PTPRD: variants seen among roughly 807,000 people sequenced by gnomAD.
The protein encoded by PTPRD is protein tyrosine phosphatase receptor type D.
Under a neutral mutation model 214.5 loss-of-function variants are expected in PTPRD, and 34 were observed. That is an observed-to-expected ratio of 0.16 (90% CI 0.12 to 0.21). The LOEUF (loss-of-function observed/expected upper bound fraction) is 0.21. Ranked by LOEUF, PTPRD falls within the 10% of genes least tolerant of loss-of-function variation. PTPRD has a pLI of 1.00. For synonymous variants in PTPRD, 1,128 were observed against 845.7 expected (o/e 1.33, Z -5.79); for missense variants, 2,545 against 2,398.7 (o/e 1.06, Z -1.27).
At chr9:9,350,235 A>G (rs901008734) in intron 9 of PTPRD, among the ~76,000 whole-genome samples, 1 of 152,240 alleles carries the variant, frequency 6.6e-6, no homozygotes. Context: ...AATAACTCTT[A>G]GACTGGATTC....
chr9:10,159,541 C>T (rs2099114386), intron 3 of PTPRD, among the ~76,000 whole-genome samples: 1 of 151,926 alleles, frequency 6.6e-6, no homozygotes. Context: ...CTTCACAAGA[C>T]AGTAATATAT....
intron 12 of PTPRD, among the ~76,000 whole-genome samples, chr9:8,730,160 A>G (rs1207788805): frequency 6.6e-6 from 1 of 152,088 alleles, no homozygotes; most frequent in Non-Finnish European, 1.5e-5. Flanking sequence ...GGAGGCTGAG[A>G]CAGGAGAATG....
intron 8 of PTPRD, among the ~76,000 whole-genome samples, chr9:9,398,727 A>G (rs1028251854): frequency 2.6e-5 from 4 of 152,028 alleles, no homozygotes; most frequent in African/African-American, 9.7e-5. Context: ...GATTTAAAAA[A>G]CATGTTTTTT....
chr9:10,581,507 G>C (rs1169261697), intron 2 of PTPRD, among the ~76,000 whole-genome samples: 1 of 152,112 alleles, frequency 6.6e-6, no homozygotes, highest in African/African-American at 2.4e-5. Flanking sequence ...AAAAGTTCTT[G>C]AGGTAATATT....
At chr9:9,010,378 T>C (rs566808651) in intron 11 of PTPRD, among the ~76,000 whole-genome samples, 1 of 152,332 alleles carries the variant, frequency 6.6e-6, no homozygotes, top group Admixed American at 6.5e-5. Context: ...TATTCCATTC[T>C]CACCTTTTAT....
intron 10 of PTPRD, among the ~76,000 whole-genome samples, chr9:9,091,769 A>T (rs2099776408): frequency 6.6e-6 from 1 of 152,218 alleles, no homozygotes; most frequent in Admixed American, 6.5e-5. Flanking sequence ...TCTGTACTCC[A>T]TTGAAGAATT....
At chr9:9,854,069 C>T (rs993338447) in intron 5 of PTPRD, among the ~76,000 whole-genome samples, 1 of 152,148 alleles carries the variant, frequency 6.6e-6, no homozygotes, top group African/African-American at 2.4e-5. Flanking sequence ...ATTCATCACA[C>T]CATGCAACAG....
At chr9:10,374,901 T>C (rs924279332) in intron 2 of PTPRD, among the ~76,000 whole-genome samples, 4 of 152,074 alleles carry the variant, frequency 2.6e-5, no homozygotes, top group African/African-American at 9.7e-5. Flanking sequence ...ATTCACCCTA[T>C]GCTCAATAAT....
At chr9:9,594,307 T>A (rs118136990) in intron 7 of PTPRD, among the ~76,000 whole-genome samples, 1 of 152,076 alleles carries the variant, frequency 6.6e-6, no homozygotes, top group South Asian at 2.1e-4. Flanking sequence ...TTTGTTCTTA[T>A]GGCATTTGCT....
intron 7 of PTPRD, among the ~76,000 whole-genome samples, chr9:9,636,873 T>A (rs886490977): frequency 2.0e-4 from 31 of 152,312 alleles, no homozygotes; most frequent in African/African-American, 7.5e-4. Flanking sequence ...CTAAGATCAA[T>A]GTGCCAACAA....
intron 3 of PTPRD, among the ~76,000 whole-genome samples, chr9:10,214,831 C>T (rs939525216): frequency 6.6e-6 from 1 of 152,070 alleles, no homozygotes; most frequent in Non-Finnish European, 1.5e-5. Context: ...GTCTTTTACT[C>T]TTGGGACAAG....
At chr9:9,068,100 AT>A (rs199697892) in intron 10 of PTPRD, among the ~76,000 whole-genome samples, 4 of 151,960 alleles carry the variant, frequency 2.6e-5, no homozygotes, top group East Asian at 1.9e-4. Context: ...CCTTTTTTAG[AT>A]TTTTTTCTCT....
At chr9:9,028,985 A>G (rs982727790) in intron 10 of PTPRD, among the ~76,000 whole-genome samples, 1 of 151,974 alleles carries the variant, frequency 6.6e-6, no homozygotes. Flanking sequence ...GGTAGCCACT[A>G]GTCACATATG....
At chr9:9,932,047 A>G (rs2086862139) in intron 5 of PTPRD, among the ~76,000 whole-genome samples, 1 of 151,558 alleles carries the variant, frequency 6.6e-6, no homozygotes, top group Non-Finnish European at 1.5e-5. Flanking sequence ...TAACAAACAG[A>G]AAGGACATCC....
At chr9:8,649,535 A>G (rs2096763166) in intron 12 of PTPRD, among the ~76,000 whole-genome samples, 1 of 152,242 alleles carries the variant, frequency 6.6e-6, no homozygotes, top group Admixed American at 6.5e-5. Context: ...ACATGCAGAC[A>G]CTTTCAATGA....
At chr9:8,768,989 G>C (rs1037879858) in intron 11 of PTPRD, among the ~76,000 whole-genome samples, 1 of 152,176 alleles carries the variant, frequency 6.6e-6, no homozygotes, top group Non-Finnish European at 1.5e-5. Flanking sequence ...GGGTGTTTGT[G>C]TACATGGCAG....
At chr9:8,763,633 G>T (rs1344556699) in intron 11 of PTPRD, among the ~76,000 whole-genome samples, 3 of 149,858 alleles carry the variant, frequency 2.0e-5, no homozygotes, top group African/African-American at 4.9e-5. Context: ...TGAAAAACAG[G>T]AAAGAAATAG....
intron 11 of PTPRD, among the ~76,000 whole-genome samples, chr9:8,969,308 TCTG>T (rs2099221536): frequency 1.3e-5 from 2 of 152,082 alleles, no homozygotes; most frequent in South Asian, 4.1e-4. Flanking sequence ...TGGAGAATGA[TCTG>T]GCAGTCCTTT....
chr9:9,786,312 T>C (rs552260098), intron 5 of PTPRD, among the ~76,000 whole-genome samples: 11 of 152,240 alleles, frequency 7.2e-5, no homozygotes, highest in Non-Finnish European at 1.5e-4. Flanking sequence ...ATTTTGAGAA[T>C]TATTGATACA....
Sources: allele counts gnomAD v4.1 joint callset (sites outside exome capture counted in the v4.1 genomes callset), GRCh38; gene constraint gnomAD v4.1.1; transcripts MANE v1.5; gene names NCBI Gene and HGNC (gene_info 2026-07-23, HGNC 2026-07-21).